The following PPM1H variants were observed in gnomAD, a reference collection of about 807,000 sequenced individuals.
PPM1H encodes protein phosphatase 1H.
PPM1H carries 27 observed loss-of-function variants against 54.9 expected under a neutral mutation model. That is an observed-to-expected ratio of 0.49 (90% CI 0.36 to 0.68). The LOEUF (loss-of-function observed/expected upper bound fraction) is 0.68. Among genes scored for constraint, PPM1H ranks in the 30% least tolerant of loss-of-function variants. PPM1H has a pLI of 0.00. For synonymous variants in PPM1H, 305 were observed against 270.8 expected (o/e 1.13, Z -1.24); for missense variants, 596 against 667.8 (o/e 0.89, Z 1.19).
At chr12:62,922,138 T>C (rs982667084) in intron 1 of PPM1H, among the ~76,000 whole-genome samples, 1 of 152,350 alleles carries the variant, frequency 6.6e-6, no homozygotes, top group African/African-American at 2.4e-5. Flanking sequence ...GCACATATAG[T>C]AAGGAAGTAT....
At chr12:62,700,661 A>G (rs994041607) in intron 6 of PPM1H, among the ~76,000 whole-genome samples, 4 of 152,154 alleles carry the variant, frequency 2.6e-5, no homozygotes, top group Non-Finnish European at 5.9e-5. Context: ...CCTCTGTGCA[A>G]TGATCTAGGC....
chr12:62,720,386 T>C, intron 5 of PPM1H, 97 bp from the exon 6 acceptor site: 1 of 896,320 alleles, frequency 1.1e-6, no homozygotes, highest in South Asian at 1.7e-5. Flanking sequence ...ACAGGCCATA[T>C]TTTAAAAACA....
At chr12:62,708,368 T>C (rs539276504) in intron 6 of PPM1H, among the ~76,000 whole-genome samples, 1 of 152,316 alleles carries the variant, frequency 6.6e-6, no homozygotes, top group Admixed American at 6.5e-5. Flanking sequence ...ACAGCTGATT[T>C]AGATGAAGAG....
intron 6 of PPM1H, among the ~76,000 whole-genome samples, chr12:62,704,883 C>A (rs922625937): frequency 6.6e-6 from 1 of 152,194 alleles, no homozygotes; most frequent in African/African-American, 2.4e-5. Context: ...CCTACCTCCC[C>A]ACTTCTCCCT....
chr12:62,726,810 G>A (rs1043546718), intron 5 of PPM1H, among the ~76,000 whole-genome samples: 9 of 152,176 alleles, frequency 5.9e-5, no homozygotes, highest in African/African-American at 2.2e-4. Flanking sequence ...TCAGCATTCT[G>A]GAGTCCTGAG....
intron 1 of PPM1H, among the ~76,000 whole-genome samples, chr12:62,925,975 G>T (rs376095459): frequency 2.0e-5 from 3 of 152,226 alleles, no homozygotes; most frequent in South Asian, 2.1e-4. Flanking sequence ...TAGAATCTTC[G>T]AAACTATCTG....
chr12:62,839,924 G>C (rs1248427768), intron 1 of PPM1H, among the ~76,000 whole-genome samples: 1 of 151,206 alleles, frequency 6.6e-6, no homozygotes, highest in African/African-American at 2.4e-5. Flanking sequence ...TATAGTCCCA[G>C]GTACTTGAGA....
intron 1 of PPM1H, among the ~76,000 whole-genome samples, chr12:62,860,714 A>G (rs1869567978): frequency 6.6e-6 from 1 of 152,182 alleles, no homozygotes; most frequent in South Asian, 2.1e-4. Context: ...CCTCCTTCCA[A>G]GCGTAAAGAT....
intron 5 of PPM1H, among the ~76,000 whole-genome samples, chr12:62,735,519 G>A (rs2076345396): frequency 6.6e-6 from 1 of 152,128 alleles, no homozygotes; most frequent in South Asian, 2.1e-4. Context: ...TGCCCAGCCT[G>A]TTTTTAAATC....
chr12:62,677,105 G>T (rs2136623638), intron 8 of PPM1H, among the ~76,000 whole-genome samples: 1 of 152,198 alleles, frequency 6.6e-6, no homozygotes, highest in African/African-American at 2.4e-5. Flanking sequence ...TACCCATTTT[G>T]GGTCTCATCT....
rs532474728 is a variant in PPM1H, at chr12:62,689,281, C to T, written c.1245+418G>A. 5.4e-4 allele frequency among the ~76,000 whole-genome samples: 83 copies of T among 152,322 alleles called. 1 individual carries two copies. The highest frequency in any genetic ancestry group is 2.0e-3 in the African/African-American group (82 of 41,564). On this transcript the variant is annotated intron_variant, in intron 8 of 9. Transcript: ENST00000228705. ...AAGGGAAACAGCAAGTTCATTCTGG[C>T]TGGTGCAGGAGAACAAAGATCAGAG...
chr12:62,821,814 A>G (rs900290509), intron 2 of PPM1H, among the ~76,000 whole-genome samples: 4 of 152,350 alleles, frequency 2.6e-5, no homozygotes, highest in Non-Finnish European at 5.9e-5. Flanking sequence ...AACATGCCAA[A>G]TTGTAAAGAC....
intron 4 of PPM1H, among the ~76,000 whole-genome samples, chr12:62,759,764 T>C (rs980513192): frequency 6.6e-6 from 1 of 150,982 alleles, no homozygotes; most frequent in African/African-American, 2.4e-5. Flanking sequence ...CCTTTTCCAC[T>C]TTCCTGGGGG....
chr12:62,894,629 A>G (rs149426300), intron 1 of PPM1H, among the ~76,000 whole-genome samples: 5 of 152,356 alleles, frequency 3.3e-5, no homozygotes, highest in African/African-American at 1.2e-4. Flanking sequence ...TAGACATAAA[A>G]GTATGCAGTC....
Position 62,689,811 on chromosome 12 carries a change from G to T in PPM1H, c.1138-5C>A, listed in dbSNP as rs1431569428. ...AATAGTTGCCATTACCCGGGCCTAG[G>T]AGTATAAGCAGAGGGTCATCAGAAA... On this transcript the variant is annotated splice_region_variant and splice_polypyrimidine_tract_variant and intron_variant, in intron 7 of 9. Coordinates refer to ENST00000228705, the MANE Select transcript of PPM1H (RefSeq NM_020700.2). 2 of 1,605,066 alleles carry T rather than the reference G, an allele frequency of 1.2e-6. No individual in the cohort carries two copies. The highest frequency in any genetic ancestry group is 2.2e-5 in the East Asian group (1 of 44,738).
intron 4 of PPM1H, among the ~76,000 whole-genome samples, chr12:62,747,872 C>T (rs1390984705): frequency 1.3e-5 from 2 of 152,136 alleles, no homozygotes; most frequent in Non-Finnish European, 2.9e-5. Flanking sequence ...TCTAGATACA[C>T]AACAATGACC....
chr12:62,785,861 GAA>G (rs35904349), intron 4 of PPM1H, among the ~76,000 whole-genome samples: 7,408 of 129,380 alleles, frequency 0.057, 612 homozygotes, highest in African/African-American at 0.19. Flanking sequence ...TAAAAATGAG[GAA>G]AAAAAAAAAA....
At position 62,699,359 on chromosome 12, in the gene PPM1H, G is replaced by A. The variant is rs867904572; in HGVS notation, c.1074-5360C>T. Among the ~76,000 whole-genome samples the A allele has an allele frequency of 1.1e-4, 16 of 152,266 alleles. No individual in the cohort carries two copies. The South Asian group carries it at 3.1e-3, about 30-fold the overall frequency. ...TTACAGGCGTGCGCCACTACCCCCA[G>A]CTAATTTTTTGTATTTTTAGTAGAA... On this transcript the variant is annotated intron_variant, in intron 6 of 9. Coordinates refer to ENST00000228705, the MANE Select transcript of PPM1H (RefSeq NM_020700.2).
chr12:62,787,099 C>T (rs143505033), intron 4 of PPM1H, among the ~76,000 whole-genome samples: 55 of 152,266 alleles, frequency 3.6e-4, no homozygotes, highest in African/African-American at 1.3e-3. Flanking sequence ...CGAAGGCTGC[C>T]TCAGCCTAAG....
Sources: allele counts gnomAD v4.1 joint callset (sites outside exome capture counted in the v4.1 genomes callset), GRCh38; gene constraint gnomAD v4.1.1; transcripts MANE v1.5; gene names NCBI Gene and HGNC (gene_info 2026-07-23, HGNC 2026-07-21).